NOSTRIN: variants seen among roughly 807,000 people sequenced by gnomAD.
NOSTRIN encodes nitric oxide synthase trafficking, also known as BM247 homolog.
Under a neutral mutation model 59.0 loss-of-function variants are expected in NOSTRIN, and 63 were observed. The ratio of observed to expected loss-of-function variants is 1.07; its 90% CI spans 0.87 to 1.32. NOSTRIN has a LOEUF of 1.32. Among genes scored for constraint, NOSTRIN ranks in the 40% most tolerant of loss-of-function variants. The pLI is 0.00. For missense variants in NOSTRIN, 512 were observed against 473.1 expected (o/e 1.08, Z -0.76); for synonymous variants, 200 against 165.4 (o/e 1.21, Z -1.61).
intron 2 of NOSTRIN, among the ~76,000 whole-genome samples, chr2:168,819,230 G>A (rs1361823209): frequency 1.3e-5 from 2 of 152,134 alleles, no homozygotes. Context: ...TGAGAGATGA[G>A]AAGAAATCAT....
intron 5 of NOSTRIN, among the ~76,000 whole-genome samples, chr2:168,829,892 CA>C (rs563625137): frequency 1.1e-4 from 17 of 151,888 alleles, no homozygotes; most frequent in Non-Finnish European, 2.2e-4. Context: ...TCCTCAGTGG[CA>C]AGTCAGAAGG....
intron 6 of NOSTRIN, among the ~76,000 whole-genome samples, chr2:168,831,783 C>G (rs942844451): frequency 1.3e-5 from 2 of 152,138 alleles, no homozygotes; most frequent in Non-Finnish European, 2.9e-5. Flanking sequence ...TTAATCATCA[C>G]AACAACCCAA....
chr2:168,794,633 G>A (rs550580677), upstream of NOSTRIN, among the ~76,000 whole-genome samples: 1 of 152,336 alleles, frequency 6.6e-6, no homozygotes, highest in African/African-American at 2.4e-5. Flanking sequence ...TTACAGGCGT[G>A]AGCTACCACG....
intron 8 of NOSTRIN, among the ~76,000 whole-genome samples, chr2:168,845,581 C>T (rs1397309746): frequency 7.9e-5 from 12 of 152,200 alleles, no homozygotes; most frequent in African/African-American, 2.9e-4. Flanking sequence ...GTTTCCTTTC[C>T]TCCTGTTAAG....
At chr2:168,812,768 G>A (rs541913015) in intron 2 of NOSTRIN, among the ~76,000 whole-genome samples, 18 of 152,260 alleles carry the variant, frequency 1.2e-4, no homozygotes, top group Middle Eastern at 3.4e-3. Flanking sequence ...GCAAGTGTTG[G>A]ACTGTCTTTA....
intron 2 of NOSTRIN, among the ~76,000 whole-genome samples, chr2:168,813,619 C>T (rs1022326386): frequency 1.8e-4 from 27 of 152,152 alleles, no homozygotes; most frequent in Admixed American, 5.9e-4. Flanking sequence ...GAGTGACAAA[C>T]ATATCCAGTG....
intron 10 of NOSTRIN, among the ~76,000 whole-genome samples, chr2:168,852,687 C>T (rs546146): frequency 6.6e-6 from 1 of 151,908 alleles, no homozygotes; most frequent in Non-Finnish European, 1.5e-5. Context: ...GGCAACAAGA[C>T]GGTAGAAGGC....
chr2:168,809,108 T>C (rs1229674378), intron 1 of NOSTRIN, among the ~76,000 whole-genome samples: 1 of 152,208 alleles, frequency 6.6e-6, no homozygotes, highest in African/African-American at 2.4e-5. Flanking sequence ...CAAATACATA[T>C]GTCTTTAGAA....
chr2:168,855,979 T>G, intron 11 of NOSTRIN: 1 of 429,782 alleles, frequency 2.3e-6, no homozygotes, highest in African/African-American at 2.1e-5. Context: ...CCTAGTAACT[T>G]GTTTTATATG....
At chr2:168,832,463 A>C (rs945503725) in intron 6 of NOSTRIN, among the ~76,000 whole-genome samples, 1 of 152,208 alleles carries the variant, frequency 6.6e-6, no homozygotes, top group African/African-American at 2.4e-5. Flanking sequence ...TTTCATCTCC[A>C]AAGCGTTAGT....
intron 8 of NOSTRIN, among the ~76,000 whole-genome samples, chr2:168,845,593 TC>T (rs1688365901): frequency 6.6e-6 from 1 of 152,136 alleles, no homozygotes; most frequent in South Asian, 2.1e-4. Context: ...CCTGTTAAGA[TC>T]CTCTACATGT....
intron 1 of NOSTRIN, 130 bp downstream of exon 1, chr2:168,802,803 T>A (rs1574252745): frequency 1.3e-6 from 1 of 747,232 alleles, no homozygotes; most frequent in African/African-American, 1.7e-5. Context: ...TTGGCTGTGG[T>A]GCAAAAGTTT....
rs549730612 is a variant in NOSTRIN, at chr2:168,820,759, G to A, written c.114-3875G>A. ...CCCAAATCACCTCAAAGTGAACAAG[G>A]ACCCCTTTTTCATACCACCAAAGCC... On this transcript the variant is annotated intron_variant, in intron 2 of 15. Transcript: ENST00000317647. 1.0e-4 allele frequency among the ~76,000 whole-genome samples: 15 copies of A among 149,182 alleles called. No homozygotes were observed. In the East Asian group the frequency reaches 2.7e-3, roughly 27 times the overall value.
chr2:168,846,751 A>G (rs1025145114), intron 8 of NOSTRIN, among the ~76,000 whole-genome samples: 1 of 152,224 alleles, frequency 6.6e-6, no homozygotes, highest in African/African-American at 2.4e-5. Flanking sequence ...CAAGAGCCTT[A>G]AAAATATTCC....
chr2:168,863,675 TGA>T, intron 15 of NOSTRIN: 1 of 983,654 alleles, frequency 1.0e-6, no homozygotes, highest in Non-Finnish European at 1.2e-6. Context: ...AAGCTGTGAG[TGA>T]GTTAAACTTT....
At chr2:168,863,493 A>ATCTT in intron 15 of NOSTRIN, 1 of 985,418 alleles carries the variant, frequency 1.0e-6, no homozygotes, top group Non-Finnish European at 1.2e-6. Flanking sequence ...AAGGGGGCAG[A>ATCTT]TCTTTCTACT....
At chr2:168,844,686 C>T (rs2461386) in intron 8 of NOSTRIN, among the ~76,000 whole-genome samples, 65 of 151,922 alleles carry the variant, frequency 4.3e-4, no homozygotes, top group South Asian at 1.0e-3. Flanking sequence ...CTGGCTAACA[C>T]GGCGAAACCC....
intron 7 of NOSTRIN, among the ~76,000 whole-genome samples, chr2:168,839,744 G>A (rs1014850894): frequency 6.6e-6 from 1 of 151,478 alleles, no homozygotes; most frequent in Non-Finnish European, 1.5e-5. Flanking sequence ...TGAAATCCTG[G>A]GCGTGGTGGC....
At chr2:168,859,738 G>A (rs1689328128) in intron 13 of NOSTRIN, 101 bp downstream of exon 13, 11 of 1,402,550 alleles carry the variant, frequency 7.8e-6, no homozygotes, top group Non-Finnish European at 8.7e-6. Flanking sequence ...AATTCTATGT[G>A]ATATTAATAT....
Sources: allele counts gnomAD v4.1 joint callset (sites outside exome capture counted in the v4.1 genomes callset), GRCh38; gene constraint gnomAD v4.1.1; transcripts MANE v1.5; gene names NCBI Gene and HGNC (gene_info 2026-07-23, HGNC 2026-07-21).